The following PHKB variants were observed in gnomAD, a reference collection of about 807,000 sequenced individuals.
The protein encoded by PHKB is phosphorylase kinase regulatory subunit beta.
Under a neutral mutation model 152.1 loss-of-function variants are expected in PHKB, and 122 were observed. The observed-to-expected ratio is 0.80, with a 90% CI of 0.69 to 0.93. The LOEUF is 0.93. Ranked by LOEUF, PHKB falls within the 40% of genes least tolerant of loss-of-function variation. The pLI, the probability that PHKB is intolerant of heterozygous loss-of-function variation, is 0.00. For synonymous variants in PHKB, 436 were observed against 464.9 expected, an observed-to-expected ratio of 0.94 and a Z score of 0.80; for missense variants, 1,304 against 1,328.4, an observed-to-expected ratio of 0.98 and a Z score of 0.29.
Position 47,689,082 on chromosome 16 carries a change from G to A in PHKB, c.2672G>A (p.Gly891Asp), listed in dbSNP as rs1297018928. Residue 891 changes from glycine (G) to aspartate (D), a missense_variant, in exon 27 of 31, where the codon GGC becomes GAC. Physicochemically the swap from Gly to Asp is moderately conservative, Grantham distance 94 (BLOSUM62 -1). Transcript: ENST00000323584. ...ATGGAGTATGAACTTCAGATCCGTG[G>A]CGGAGACAAGCCAGCCTTGGACTTG... ...HAMEYELQIR[G>D]GDKPALDLYQ... 6.2e-7 allele frequency: 1 copy of A among 1,614,058 alleles called. No homozygotes were observed. Among genetic ancestry groups the A allele is most frequent in the African/African-American group, 1.3e-5 (1 of 75,014 alleles).
intron 1 of PHKB, chr16:47,462,316 A>C (rs1413028705): frequency 6.6e-6 from 1 of 152,210 alleles, no homozygotes; most frequent in Non-Finnish European, 1.5e-5. Flanking sequence ...AGGAAAATTA[A>C]CTTTGCACTT....
intron 7 of PHKB, among the ~76,000 whole-genome samples, chr16:47,556,957 G>A (rs538166379): frequency 6.6e-6 from 1 of 152,118 alleles, no homozygotes; most frequent in Non-Finnish European, 1.5e-5. Context: ...TCCTGTTATT[G>A]GTCTATTCAG....
chr16:47,622,175 GA>G (rs1972628827), intron 14 of PHKB, among the ~76,000 whole-genome samples: 1 of 151,944 alleles, frequency 6.6e-6, no homozygotes, highest in Non-Finnish European at 1.5e-5. Flanking sequence ...CTATATTTCT[GA>G]CATTTTTCTC....
In PHKB at chr16:47,554,648, A is replaced by G. The variant is rs542227464; in HGVS notation, c.710+7100A>G. Among the ~76,000 whole-genome samples the G allele has an allele frequency of 2.6e-5, 4 of 152,272 alleles. No individual in the cohort carries two copies. In the South Asian group the frequency reaches 6.2e-4, roughly 24 times the overall value. ...TTGAAACCCAGGGCCCTGGTGGTGT[A>G]GGCACCTAAGGGAATCTCCTGGTCT... On this transcript the variant is annotated intron_variant, in intron 7 of 30. Transcript: ENST00000323584.
chr16:47,500,985 GTCT>G (rs1171817067), intron 3 of PHKB, among the ~76,000 whole-genome samples: 1 of 152,186 alleles, frequency 6.6e-6, no homozygotes, highest in African/African-American at 2.4e-5. Flanking sequence ...AGATGCAGTA[GTCT>G]TCTTTAGCAC....
chr16:47,461,846 C>T (rs1266359504), intron 1 of PHKB, among the ~76,000 whole-genome samples: 1 of 152,208 alleles, frequency 6.6e-6, no homozygotes, highest in Non-Finnish European at 1.5e-5. Context: ...GATCTGGCTG[C>T]AGAAAGCCGG....
chr16:47,696,249 G>A (rs1974144658), intron 28 of PHKB, 132 bp from the exon 29 acceptor site: 1 of 704,416 alleles, frequency 1.4e-6, no homozygotes, highest in Non-Finnish European at 2.6e-6. Context: ...AAATCCAGTT[G>A]TGTAGCTGAA....
chr16:47,585,909 C>G (rs558196926), intron 8 of PHKB, among the ~76,000 whole-genome samples: 43 of 152,188 alleles, frequency 2.8e-4, no homozygotes, highest in African/African-American at 9.4e-4. Flanking sequence ...AATTTAATTC[C>G]AGGCAGATAG....
intron 6 of PHKB, among the ~76,000 whole-genome samples, chr16:47,541,696 G>T (rs1971062160): frequency 6.6e-6 from 1 of 152,170 alleles, no homozygotes; most frequent in African/African-American, 2.4e-5. Context: ...ATTCTAACTG[G>T]TGTGAGGTGA....
chr16:47,657,010 T>C (rs1313785479), intron 20 of PHKB, among the ~76,000 whole-genome samples: 1 of 152,228 alleles, frequency 6.6e-6, no homozygotes, highest in Non-Finnish European at 1.5e-5. Flanking sequence ...TGTCATACTT[T>C]AATTTTACAG....
intron 7 of PHKB, among the ~76,000 whole-genome samples, chr16:47,550,872 T>A (rs1971258739): frequency 6.6e-6 from 1 of 152,214 alleles, no homozygotes; most frequent in Non-Finnish European, 1.5e-5. Flanking sequence ...GGTAGGCTAT[T>A]AATTACTGCC....
rs1447438622 is a variant in PHKB, at chr16:47,540,859, T to A, written c.595-6574T>A. Among the ~76,000 whole-genome samples, 6 of 124,370 alleles carry A rather than the reference T, an allele frequency of 4.8e-5. No individual in the cohort carries two copies. In the South Asian group the frequency reaches 1.4e-3, roughly 29 times the overall value. 81.6% of individuals were successfully genotyped at this position (124,370 alleles called of 152,430 possible). A position where few individuals can be genotyped will look rare whatever the true frequency, so the allele number is the denominator to read the frequency against. On this transcript the variant is annotated intron_variant, in intron 6 of 30. Transcript: ENST00000323584. ...TTTTTTTTTGGAGATAGAGTTTCAC[T>A]CCTGTTGCCCAGGCTGGAGTGGCAA...
chr16:47,662,089 C>T (rs1973455486), intron 23 of PHKB, among the ~76,000 whole-genome samples: 1 of 152,096 alleles, frequency 6.6e-6, no homozygotes, highest in African/African-American at 2.4e-5. Context: ...TGATGAATTC[C>T]ATAGTTGTTT....
Position 47,610,159 on chromosome 16 carries a change from A to ATTTTTTTTTTTTTTT in PHKB, c.1364-658_1364-644dup, listed in dbSNP as rs371224839. Among the ~76,000 whole-genome samples, 28 of 99,426 alleles carry ATTTTTTTTTTTTTTT rather than the reference A, an allele frequency of 2.8e-4. 1 individual carries two copies. Among genetic ancestry groups the ATTTTTTTTTTTTTTT allele is most frequent in the African/African-American group, 4.9e-4 (12 of 24,434 alleles). The allele number at this position is 99,426 out of a possible 152,430, so 65.2% of individuals were successfully genotyped here. A position where few individuals can be genotyped will look rare whatever the true frequency, so the allele number is the denominator to read the frequency against. On this transcript the variant is annotated intron_variant, in intron 13 of 30. Coordinates refer to ENST00000323584, the MANE Select transcript of PHKB (RefSeq NM_000293.3). The stretch of plus-strand genomic sequence containing the variant: ...AGGCACACACAACCATGCCCAGCTA[A>ATTTTTTTTTTTTTTT]TTTTTTTTTTTTTTTTTTTTTTTGT...
chr16:47,579,884 T>C (rs1476218418), intron 7 of PHKB, among the ~76,000 whole-genome samples: 1 of 152,198 alleles, frequency 6.6e-6, no homozygotes, highest in Non-Finnish European at 1.5e-5. Context: ...AAGATCTTTC[T>C]TAAGACTCAG....
intron 13 of PHKB, among the ~76,000 whole-genome samples, chr16:47,603,406 A>C (rs1972267415): frequency 6.6e-6 from 1 of 152,222 alleles, no homozygotes; most frequent in Admixed American, 6.5e-5. Context: ...ATTTCTGTGC[A>C]GCAGGCATTA....
At position 47,498,712 on chromosome 16, in the gene PHKB, G is replaced by C. The variant is rs187080039; in HGVS notation, c.167-1044G>C. Reference sequence around the variant, plus strand: ...ACCCAAGAGTTCGAGACCAGCCTGGGCAACATAACAAGCCCTCCATCTCTA... The same window carrying C: ...ACCCAAGAGTTCGAGACCAGCCTGGCCAACATAACAAGCCCTCCATCTCTA... On this transcript the variant is annotated intron_variant, in intron 2 of 30. Transcript: ENST00000323584. Among the ~76,000 whole-genome samples, 159 of 152,210 alleles carry C rather than the reference G, an allele frequency of 1.0e-3. 1 individual carries two copies. Among genetic ancestry groups the C allele is most frequent in the Admixed American group, 7.8e-3 (119 of 15,290 alleles).
chr16:47,548,060 G>A (rs997365061), intron 7 of PHKB: 5 of 159,456 alleles, frequency 3.1e-5, no homozygotes, highest in South Asian at 3.6e-4. Context: ...GGTTTACTGC[G>A]TTTGAATAAG....
intron 1 of PHKB, among the ~76,000 whole-genome samples, chr16:47,487,124 C>T (rs1248704243): frequency 6.6e-6 from 1 of 152,122 alleles, no homozygotes; most frequent in Non-Finnish European, 1.5e-5. Flanking sequence ...TATTTTTCTG[C>T]TAGAACCCAA....
Sources: allele counts gnomAD v4.1 joint callset (sites outside exome capture counted in the v4.1 genomes callset), GRCh38; gene constraint gnomAD v4.1.1; transcripts MANE v1.5; gene names NCBI Gene and HGNC (gene_info 2026-07-23, HGNC 2026-07-21).